The following PVT1 variants were observed in gnomAD, a reference collection of about 807,000 sequenced individuals.
The protein encoded by PVT1 is Pvt1 oncogene.
At chr8:127,861,276 C>T (rs951132287) in intron 2 of PVT1, among the ~76,000 whole-genome samples, 3 of 152,176 alleles carry the variant, frequency 2.0e-5, no homozygotes, top group Non-Finnish European at 4.4e-5. Context: ...TGATGGGAGC[C>T]ACTTCTCAAA....
At chr8:128,003,097 G>T (rs569619889) in intron 4 of PVT1, among the ~76,000 whole-genome samples, 3 of 149,062 alleles carry the variant, frequency 2.0e-5, no homozygotes, top group Non-Finnish European at 4.4e-5. Context: ...TCCCAGGCAG[G>T]TTCAAGTAAT....
At chr8:127,888,677 T>C (rs1179030191) in intron 2 of PVT1, among the ~76,000 whole-genome samples, 3 of 152,070 alleles carry the variant, frequency 2.0e-5, no homozygotes, top group Non-Finnish European at 4.4e-5. Context: ...CAGAGATGCC[T>C]TGGTGTTGTA....
At chr8:127,867,075 G>C (rs943993229) in intron 2 of PVT1, among the ~76,000 whole-genome samples, 3 of 152,262 alleles carry the variant, frequency 2.0e-5, no homozygotes, top group Non-Finnish European at 4.4e-5. Flanking sequence ...TTTCCACCTA[G>C]GGCCTGGCTT....
At chr8:127,978,924 G>A (rs76301053) in intron 3 of PVT1, among the ~76,000 whole-genome samples, 4,096 of 151,550 alleles carry the variant, frequency 0.027, 81 homozygotes, top group African/African-American at 0.046. Flanking sequence ...GTGTGTGTCT[G>A]TGTTTGTAGG....
intron 3 of PVT1, among the ~76,000 whole-genome samples, chr8:127,891,305 C>A (rs1010243074): frequency 6.6e-6 from 1 of 152,216 alleles, no homozygotes; most frequent in Non-Finnish European, 1.5e-5. Context: ...CACAGTCTCT[C>A]ATGCTGCAGA....
intron 2 of PVT1, among the ~76,000 whole-genome samples, chr8:127,870,355 G>C (rs1157287906): frequency 6.6e-6 from 1 of 152,172 alleles, no homozygotes; most frequent in East Asian, 1.9e-4. Context: ...ATCTTTCATG[G>C]AGCCTTCAGA....
chr8:127,872,932 G>A (rs985156847), intron 2 of PVT1, among the ~76,000 whole-genome samples: 3 of 152,202 alleles, frequency 2.0e-5, no homozygotes, highest in African/African-American at 7.2e-5. Flanking sequence ...ATACATTAAA[G>A]CAAAGTGACG....
intron 4 of PVT1, among the ~76,000 whole-genome samples, chr8:128,029,692 G>A (rs531492380): frequency 2.0e-5 from 3 of 152,058 alleles, no homozygotes; most frequent in African/African-American, 2.4e-5. Flanking sequence ...CCAGCTACTC[G>A]GGAGGCTGAG....
intron 4 of PVT1, among the ~76,000 whole-genome samples, chr8:128,014,615 G>A (rs937794272): frequency 6.6e-6 from 1 of 152,212 alleles, no homozygotes; most frequent in African/African-American, 2.4e-5. Flanking sequence ...GACTTGGCGG[G>A]GAAGGTGGGG....
intron 2 of PVT1, among the ~76,000 whole-genome samples, chr8:127,810,450 G>A (rs756283889): frequency 6.6e-5 from 10 of 152,336 alleles, no homozygotes; most frequent in Admixed American, 2.6e-4. Context: ...GGCTCTCAGT[G>A]AGCGTGTATT....
intron 4 of PVT1, among the ~76,000 whole-genome samples, chr8:128,042,635 C>T (rs12546445): frequency 6.6e-6 from 1 of 152,038 alleles, no homozygotes; most frequent in African/African-American, 2.4e-5. Context: ...GGAATACTAA[C>T]TGGTAATGGT....
intron 3 of PVT1, among the ~76,000 whole-genome samples, chr8:127,906,109 G>C (rs949836419): frequency 6.6e-6 from 1 of 152,146 alleles, no homozygotes; most frequent in Non-Finnish European, 1.5e-5. Flanking sequence ...TCACATAATC[G>C]GTGTATGGCA....
intron 3 of PVT1, among the ~76,000 whole-genome samples, chr8:127,936,899 G>A (rs1010257977): frequency 6.6e-6 from 1 of 152,224 alleles, no homozygotes; most frequent in African/African-American, 2.4e-5. Flanking sequence ...GTGTGTCCTT[G>A]GTTGGATTCT....
chr8:127,824,447 C>A (rs1318795799), intron 2 of PVT1, among the ~76,000 whole-genome samples: 1 of 152,092 alleles, frequency 6.6e-6, no homozygotes, highest in Non-Finnish European at 1.5e-5. Context: ...CACGAGCCAC[C>A]ACTCCCAGCC....
At chr8:127,956,024 A>G (rs1816565096) in intron 3 of PVT1, among the ~76,000 whole-genome samples, 1 of 152,258 alleles carries the variant, frequency 6.6e-6, no homozygotes, top group Non-Finnish European at 1.5e-5. Context: ...TGCCTGTCAT[A>G]CTGTACCACC....
At chr8:128,021,368 A>G (rs1817433769) in intron 4 of PVT1, among the ~76,000 whole-genome samples, 1 of 133,778 alleles carries the variant, frequency 7.5e-6, no homozygotes, top group Non-Finnish European at 1.5e-5. Flanking sequence ...ATCTTGGCTC[A>G]CTGCAAGCTC....
At chr8:127,933,076 G>GA (rs201963641) in intron 3 of PVT1, among the ~76,000 whole-genome samples, 3 of 151,934 alleles carry the variant, frequency 2.0e-5, no homozygotes, top group Non-Finnish European at 2.9e-5. Context: ...TCAGTTTCAT[G>GA]ATTTTTTTTT....
chr8:127,884,806 G>C (rs541750521), intron 2 of PVT1, among the ~76,000 whole-genome samples: 2 of 152,206 alleles, frequency 1.3e-5, no homozygotes, highest in South Asian at 2.1e-4. Flanking sequence ...TTTTGCAGGC[G>C]GAGGGCGAGG....
intron 3 of PVT1, among the ~76,000 whole-genome samples, chr8:127,980,626 T>A (rs1816872320): frequency 6.6e-6 from 1 of 152,144 alleles, no homozygotes; most frequent in Non-Finnish European, 1.5e-5. Flanking sequence ...TTACCTTCAT[T>A]GACGTTTGAA....
Sources: gnomAD v4.1 joint callset for allele counts (sites outside exome capture counted in the v4.1 genomes callset) on GRCh38, gnomAD v4.1.1 for gene constraint, MANE v1.5 for transcripts, NCBI Gene and HGNC (gene_info 2026-07-23, HGNC 2026-07-21) for gene names.